PTPRM: variants seen among roughly 807,000 people sequenced by gnomAD.
PTPRM encodes protein tyrosine phosphatase receptor type M, also known as receptor-type tyrosine-protein phosphatase mu.
Under a neutral mutation model 186.7 loss-of-function variants are expected in PTPRM, and 47 were observed. That is an observed-to-expected ratio of 0.25 (90% CI 0.20 to 0.32). The LOEUF is 0.32. PTPRM is among the 10% of genes least tolerant of loss of function. The pLI is 1.00. For missense variants in PTPRM, 1,494 were observed against 1,865.0 expected (o/e 0.80, Z 3.66); for synonymous variants, 668 against 674.9 (o/e 0.99, Z 0.16).
At chr18:7,584,268 A>G (rs1275502493) in intron 1 of PTPRM, among the ~76,000 whole-genome samples, 7 of 152,198 alleles carry the variant, frequency 4.6e-5, no homozygotes, top group Admixed American at 1.3e-4. Context: ...TTTATGAAGT[A>G]ATGGTCATTG....
intron 1 of PTPRM, among the ~76,000 whole-genome samples, chr18:7,733,112 C>T (rs964238221): frequency 1.3e-5 from 2 of 152,016 alleles, no homozygotes; most frequent in African/African-American, 2.4e-5. Flanking sequence ...ATACATGTAC[C>T]GAATGTGCAG....
At chr18:8,008,278 T>C (rs547341503) in intron 7 of PTPRM, among the ~76,000 whole-genome samples, 8 of 152,278 alleles carry the variant, frequency 5.3e-5, no homozygotes, top group Admixed American at 2.6e-4. Flanking sequence ...AGTTCAGTTC[T>C]GCACAATGCA....
At chr18:7,935,858 G>C (rs11877769) in intron 5 of PTPRM, among the ~76,000 whole-genome samples, 4,629 of 152,138 alleles carry the variant, frequency 0.03, 245 homozygotes, top group African/African-American at 0.11. Context: ...TCTGAAATTG[G>C]GCTTTTAAAA....
intron 1 of PTPRM, among the ~76,000 whole-genome samples, chr18:7,634,360 T>C (rs1199597197): frequency 6.6e-6 from 1 of 152,126 alleles, no homozygotes; most frequent in African/African-American, 2.4e-5. Context: ...TAGTATTTGG[T>C]CTTCTCCACA....
At chr18:8,268,007 T>A (rs956792062) in intron 19 of PTPRM, among the ~76,000 whole-genome samples, 2 of 152,190 alleles carry the variant, frequency 1.3e-5, no homozygotes, top group Non-Finnish European at 2.9e-5. Flanking sequence ...ATTGCCTACC[T>A]TTCCTTTCTT....
At chr18:8,239,525 A>G (rs919810399) in intron 14 of PTPRM, among the ~76,000 whole-genome samples, 1 of 152,068 alleles carries the variant, frequency 6.6e-6, no homozygotes, top group Non-Finnish European at 1.5e-5. Context: ...TTTTACCTCT[A>G]AGATGTGTCC....
intron 2 of PTPRM, among the ~76,000 whole-genome samples, chr18:7,791,280 CTCTT>C (rs1419670519): frequency 4.6e-5 from 7 of 151,890 alleles, no homozygotes; most frequent in Non-Finnish European, 1.0e-4. Flanking sequence ...GAAAAGGAAA[CTCTT>C]TGTTTTTTGC....
intron 14 of PTPRM, among the ~76,000 whole-genome samples, chr18:8,175,382 A>T (rs1352018261): frequency 1.3e-5 from 2 of 152,222 alleles, no homozygotes; most frequent in African/African-American, 4.8e-5. Context: ...TGAGGAAATT[A>T]GAGGTAAAAT....
At chr18:8,288,254 G>GA (rs1382908953) in intron 19 of PTPRM, among the ~76,000 whole-genome samples, 12 of 152,190 alleles carry the variant, frequency 7.9e-5, no homozygotes, top group Non-Finnish European at 1.6e-4. Context: ...GAGAGCCCCT[G>GA]AAGGGGGGTG....
At chr18:8,044,192 G>A (rs2086870902) in intron 7 of PTPRM, among the ~76,000 whole-genome samples, 1 of 152,178 alleles carries the variant, frequency 6.6e-6, no homozygotes, top group Admixed American at 6.5e-5. Flanking sequence ...GCTCATTGGG[G>A]CCTGACAAGA....
intron 7 of PTPRM, among the ~76,000 whole-genome samples, chr18:8,069,143 GTTTAT>G (rs1361481026): frequency 6.8e-6 from 1 of 146,554 alleles, no homozygotes; most frequent in African/African-American, 2.5e-5. Context: ...AAGCAGATTG[GTTTAT>G]TTTATCAGAG....
At chr18:8,386,087 G>T (rs79573638) in intron 30 of PTPRM, among the ~76,000 whole-genome samples, 1,671 of 152,232 alleles carry the variant, frequency 0.011, 24 homozygotes, top group African/African-American at 0.038. Context: ...ATTGTTTGTG[G>T]GTGGGGGGCA....
chr18:7,966,806 C>T lies in PTPRM; in HGVS notation c.1132+11392C>T, dbSNP rs532598112. Among the ~76,000 whole-genome samples the T allele has an allele frequency of 6.0e-5, 8 of 132,626 alleles. 1 individual carries two copies. Among genetic ancestry groups the T allele is most frequent in the East Asian group, 2.0e-4 (1 of 4,886 alleles). The allele number at this position is 132,626 out of a possible 152,430, so 87.0% of individuals were successfully genotyped here. A position where few individuals can be genotyped will look rare whatever the true frequency, so the allele number is the denominator to read the frequency against. On this transcript the variant is annotated intron_variant, in intron 7 of 32. Coordinates refer to ENST00000580170, the MANE Select transcript of PTPRM (RefSeq NM_001105244.2). ...CCCACACCTGGCTCGGAGGGTCCTA[C>T]GCCCACGGAGTCTCGCTGATTGCCA...
intron 19 of PTPRM, among the ~76,000 whole-genome samples, chr18:8,290,567 C>T (rs2095031680): frequency 6.6e-6 from 1 of 152,030 alleles, no homozygotes; most frequent in African/African-American, 2.4e-5. Context: ...AAACATGTTT[C>T]CTATTCAGAA....
Position 8,113,634 on chromosome 18 carries a change from A to G in PTPRM, c.2005A>G (p.Ser669Gly). The change falls in exon 12 of 33, where the codon AGC becomes GGC. Residue 669 changes from serine to glycine, a missense_variant. This residue lies in a region of PTPRM where 1,107 missense variants were observed against 1,350.2 expected (regional missense o/e 0.82). Coordinates refer to ENST00000580170, the MANE Select transcript of PTPRM (RefSeq NM_001105244.2). ...CTTTGCTGCAGAATTTCCTGCAGACAGCCTCCAAGCTGCGCAGCCTTTTAC... is the reference window on the plus strand; with the variant it reads ...CTTTGCTGCAGAATTTCCTGCAGACGGCCTCCAAGCTGCGCAGCCTTTTAC... ...YYFAAEFPAD[S>G]LQAAQPFTIG... 6.2e-7 allele frequency: 1 copy of G among 1,614,158 alleles called. No homozygotes were observed. The highest frequency in any genetic ancestry group is 8.5e-7 in the Non-Finnish European group (1 of 1,179,974).
intron 1 of PTPRM, among the ~76,000 whole-genome samples, chr18:7,622,686 A>G (rs1202677598): frequency 6.6e-6 from 1 of 152,162 alleles, no homozygotes; most frequent in Non-Finnish European, 1.5e-5. Flanking sequence ...TGGAGAGGAC[A>G]GTGAGATGGG....
intron 4 of PTPRM, among the ~76,000 whole-genome samples, chr18:7,916,693 A>G (rs2050579396): frequency 6.6e-6 from 1 of 152,224 alleles, no homozygotes; most frequent in Non-Finnish European, 1.5e-5. Flanking sequence ...CCTATGAGGT[A>G]TAGAGTGATA....
intron 19 of PTPRM, among the ~76,000 whole-genome samples, chr18:8,289,561 C>CATATATATAT (rs2095012058): frequency 3.9e-5 from 3 of 76,870 alleles, no homozygotes; most frequent in Admixed American, 1.3e-4. Context: ...CATATATATA[C>CATATATATAT]ACATATATAT....
intron 1 of PTPRM, among the ~76,000 whole-genome samples, chr18:7,701,548 T>C (rs1300844741): frequency 6.6e-6 from 1 of 151,918 alleles, no homozygotes; most frequent in Admixed American, 6.6e-5. Flanking sequence ...TGCAGTGAGC[T>C]GAGATTGCGC....
Sources: allele counts gnomAD v4.1 joint callset (sites outside exome capture counted in the v4.1 genomes callset), GRCh38; gene constraint gnomAD v4.1.1; regional missense constraint gnomAD v4.1.1; transcripts MANE v1.5; gene names NCBI Gene and HGNC (gene_info 2026-07-23, HGNC 2026-07-21).